CDK5RAP2: variants seen among roughly 807,000 people sequenced by gnomAD.
CDK5RAP2 encodes CDK5 regulatory subunit associated protein 2, also known as CDK5 regulatory subunit-associated protein 2.
Under a neutral mutation model 232.9 loss-of-function variants are expected in CDK5RAP2, and 147 were observed. The ratio of observed to expected loss-of-function variants is 0.63; its 90% CI spans 0.55 to 0.72. The LOEUF (loss-of-function observed/expected upper bound fraction) is 0.72, where lower values mean the gene tolerates loss of function less well. Among genes scored for constraint, CDK5RAP2 ranks in the 30% least tolerant of loss-of-function variants. The pLI, the probability that CDK5RAP2 is intolerant of heterozygous loss-of-function variation, is 0.00. For synonymous variants in CDK5RAP2, 833 were observed against 833.7 expected, an observed-to-expected ratio of 1.00 and a Z score of 0.01; for missense variants, 2,195 against 2,231.5, an observed-to-expected ratio of 0.98 and a Z score of 0.33.
intron 27 of CDK5RAP2, among the ~76,000 whole-genome samples, chr9:120,416,776 A>T (rs2034248298): frequency 6.6e-6 from 1 of 152,248 alleles, no homozygotes; most frequent in Non-Finnish European, 1.5e-5. Flanking sequence ...CAATTAGGGT[A>T]TACTCAGTAT....
intron 3 of CDK5RAP2, among the ~76,000 whole-genome samples, chr9:120,551,954 G>A (rs1384072732): frequency 1.3e-5 from 2 of 151,896 alleles, no homozygotes; most frequent in African/African-American, 4.8e-5. Context: ...CTGACAAAGG[G>A]CTAATATCCA....
At chr9:120,427,493 C>G (rs1009488856) in intron 25 of CDK5RAP2, among the ~76,000 whole-genome samples, 1 of 152,206 alleles carries the variant, frequency 6.6e-6, no homozygotes, top group Non-Finnish European at 1.5e-5. Flanking sequence ...GAACTCCAGT[C>G]TGTCTGACTC....
chr9:120,463,727 C>G (rs771538079), intron 18 of CDK5RAP2, among the ~76,000 whole-genome samples: 1 of 152,334 alleles, frequency 6.6e-6, no homozygotes, highest in East Asian at 1.9e-4. Context: ...CATGCCAATG[C>G]TTGACACAGT....
rs1446911588 is a variant in CDK5RAP2 at position 120,407,181 on chromosome 9, G to C, written c.4794C>G (p.Ile1598Met). The change falls in exon 32 of 38, where the codon ATC becomes ATG. Residue 1598 changes from isoleucine (I) to methionine (M), a missense_variant. Coordinates refer to ENST00000349780, the MANE Select transcript of CDK5RAP2 (RefSeq NM_018249.6). The stretch of plus-strand genomic sequence containing the variant: ...TTTCTAGTTGCAAGCGCAGAGCCTG[G>C]ATCTCCATCAGGAGGCTGTGCAGGT... ...FRDLHSLLME[I>M]QALRLQLERS... The C allele has an allele frequency of 1.2e-6, 2 of 1,613,784 alleles. No individual in the cohort carries two copies. The highest frequency in any genetic ancestry group is 2.2e-5 in the East Asian group (1 of 44,890).
chr9:120,451,529 C>T (rs747914285), intron 21 of CDK5RAP2, among the ~76,000 whole-genome samples: 19 of 152,058 alleles, frequency 1.2e-4, no homozygotes, highest in Non-Finnish European at 2.2e-4. Flanking sequence ...TCAGAGTATC[C>T]TATTAAAAGA....
At chr9:120,523,498 G>A (rs769227407) in intron 11 of CDK5RAP2, among the ~76,000 whole-genome samples, 9 of 152,198 alleles carry the variant, frequency 5.9e-5, no homozygotes, top group Non-Finnish European at 1.2e-4. Flanking sequence ...GTAAGAGAAG[G>A]CAAGTCTGAG....
chr9:120,422,774 G>T (rs148580910), intron 25 of CDK5RAP2, 33 bp from the exon 26 acceptor site: 740 of 1,573,382 alleles, frequency 4.7e-4, no homozygotes, highest in Non-Finnish European at 6.0e-4. Context: ...GAAAGGAGGA[G>T]AAAAAAATGT....
At chr9:120,441,406 T>C (rs1324828483) in intron 23 of CDK5RAP2, among the ~76,000 whole-genome samples, 1 of 152,142 alleles carries the variant, frequency 6.6e-6, no homozygotes, top group African/African-American at 2.4e-5. Flanking sequence ...AGGGATTATA[T>C]GGAACAAAAT....
At chr9:120,448,228 G>T in intron 21 of CDK5RAP2, 102 bp from the exon 22 acceptor site, 1 of 995,024 alleles carries the variant, frequency 1.0e-6, no homozygotes, top group Non-Finnish European at 1.6e-6. Context: ...AATTCGAACT[G>T]GCTGCCCAGA....
At chr9:120,492,445 AG>A (rs1437722011) in intron 12 of CDK5RAP2, among the ~76,000 whole-genome samples, 2 of 152,234 alleles carry the variant, frequency 1.3e-5, no homozygotes, top group Non-Finnish European at 2.9e-5. Context: ...AGAGAGAACA[AG>A]GTAGAAGGGA....
chr9:120,475,026 T>C (rs989682689), intron 15 of CDK5RAP2, among the ~76,000 whole-genome samples: 1 of 152,222 alleles, frequency 6.6e-6, no homozygotes, highest in Non-Finnish European at 1.5e-5. Flanking sequence ...TCTTAAGAAA[T>C]CTTACCATTT....
At chr9:120,552,846 A>T (rs1312739163) in intron 3 of CDK5RAP2, among the ~76,000 whole-genome samples, 3 of 144,318 alleles carry the variant, frequency 2.1e-5, no homozygotes, top group Non-Finnish European at 4.6e-5. Flanking sequence ...AGTTTAATTT[A>T]AAAAAAAAAA....
intron 14 of CDK5RAP2, among the ~76,000 whole-genome samples, chr9:120,477,839 C>G (rs1423577333): frequency 6.6e-6 from 1 of 152,144 alleles, no homozygotes; most frequent in Admixed American, 6.5e-5. Flanking sequence ...ATTCACAAAC[C>G]AAAACCTGGC....
At position 120,467,884 on chromosome 9, in the gene CDK5RAP2, T is replaced by G. The variant is rs2037472323; in HGVS notation, c.2082A>C (p.Arg694Ser). 4.3e-6 allele frequency: 7 copies of G among 1,614,054 alleles called. No individual in the cohort carries two copies. In the East Asian group the frequency reaches 1.6e-4, roughly 36 times the overall value. ...CCTCTGTTTGTTCTGTAGACGCAAG[T>G]CTATCTGGAAACCCATTTCCCTGGA... ...MGFQGNGFPD[R>S]LASTEQTELL... The change falls in exon 18 of 38, where the codon AGA (arginine) becomes AGC (serine). Residue 694 changes from arginine (R) to serine (S), a missense_variant. Transcript: ENST00000349780.
intron 9 of CDK5RAP2, among the ~76,000 whole-genome samples, 197 bp from the exon 10 acceptor site, chr9:120,528,122 G>C (rs879357825): frequency 6.6e-6 from 1 of 152,212 alleles, no homozygotes; most frequent in African/African-American, 2.4e-5. Context: ...CAACAGGGCT[G>C]GGTGAAGGGG....
intron 12 of CDK5RAP2, among the ~76,000 whole-genome samples, chr9:120,501,851 T>C (rs531712668): frequency 7.2e-5 from 11 of 152,298 alleles, no homozygotes; most frequent in African/African-American, 2.4e-4. Context: ...ATGAAATGAT[T>C]GTTGTTTTGG....
At position 120,530,049 on chromosome 9, in the gene CDK5RAP2, C is replaced by T; in HGVS notation, c.754G>A (p.Glu252Lys). 6.2e-7 allele frequency: 1 copy of T among 1,613,908 alleles called. No homozygotes were observed. ...EEKSQMACPD[E>K]NVSSGELRGL... The stretch of plus-strand genomic sequence containing the variant: ...CGGAGCTCTCCAGATGACACATTCT[C>T]ATCAGGACATGCCATCTGAGATTTC... The change falls in exon 8 of 38, where the codon GAG becomes AAG. Residue 252 changes from glutamate to lysine, a missense_variant. Transcript: ENST00000349780.
chr9:120,452,222 C>T (rs2036515860), intron 21 of CDK5RAP2, among the ~76,000 whole-genome samples: 1 of 148,730 alleles, frequency 6.7e-6, no homozygotes, highest in Admixed American at 6.6e-5. Context: ...TTTCTAGTAC[C>T]GTTAATATAA....
intron 18 of CDK5RAP2, among the ~76,000 whole-genome samples, 170 bp downstream of exon 18, chr9:120,467,690 G>A (rs949517394): frequency 3.1e-4 from 47 of 151,724 alleles, no homozygotes; most frequent in Admixed American, 2.6e-3. Context: ...CTATCCCCCG[G>A]GCTGGAGTGT....
Sources: allele counts gnomAD v4.1 joint callset (sites outside exome capture counted in the v4.1 genomes callset), GRCh38; gene constraint gnomAD v4.1.1; transcripts MANE v1.5; gene names NCBI Gene and HGNC (gene_info 2026-07-23, HGNC 2026-07-21).